Variants in NEGR1 observed in about 807,000 individuals in gnomAD.
NEGR1 encodes neuronal growth regulator 1.
In NEGR1, 10 loss-of-function variants were observed where a neutral mutation model predicts 40.9. That is an observed-to-expected ratio of 0.24 (90% CI 0.15 to 0.42). The LOEUF (loss-of-function observed/expected upper bound fraction) is 0.42. Among genes scored for constraint, NEGR1 ranks in the 10% least tolerant of loss-of-function variants. The pLI is 1.00. For synonymous variants in NEGR1, 185 were observed against 166.8 expected (o/e 1.11, Z -0.84); for missense variants, 352 against 438.9 (o/e 0.80, Z 1.77).
At position 71,463,144 on chromosome 1, in the gene NEGR1, C is replaced by T. The variant is rs146832958; in HGVS notation, c.941-55574G>A. On this transcript the variant is annotated intron_variant, in intron 6 of 6. Transcript: ENST00000357731. ...TGTAAATTACAGCACAGGTTGGATG[C>T]GAGAGAGCAGTAAACATAATACTTA... 7.2e-4 allele frequency among the ~76,000 whole-genome samples: 109 copies of T among 151,980 alleles called. No homozygotes were observed. The East Asian group carries it at 0.018, about 26-fold the overall frequency.
intron 2 of NEGR1, among the ~76,000 whole-genome samples, chr1:71,779,093 C>T (rs1480608301): frequency 6.6e-6 from 1 of 152,126 alleles, no homozygotes; most frequent in Non-Finnish European, 1.5e-5. Flanking sequence ...GAGAAAATCC[C>T]TCTGACAAGG....
intron 6 of NEGR1, among the ~76,000 whole-genome samples, chr1:71,521,484 A>G (rs1486590263): frequency 6.6e-6 from 1 of 152,020 alleles, no homozygotes; most frequent in Non-Finnish European, 1.5e-5. Flanking sequence ...ATAATTGACT[A>G]GACTTCAAAC....
intron 2 of NEGR1, among the ~76,000 whole-genome samples, chr1:71,931,678 C>A (rs1015399031): frequency 5.3e-5 from 8 of 152,042 alleles, no homozygotes; most frequent in Admixed American, 1.3e-4. Context: ...AATGAATAAC[C>A]AGCTTTTATT....
chr1:72,110,492 C>G lies in NEGR1; in HGVS notation c.176+171827G>C, dbSNP rs569788171. Among the ~76,000 whole-genome samples, 5 of 151,640 alleles carry G rather than the reference C, an allele frequency of 3.3e-5. No individual in the cohort carries two copies. The South Asian group carries it at 1.0e-3, about 31-fold the overall frequency. ...ATTTTATGGTAGCCATGGTAATTATCTGCTCTCTAAGGGATAAAATGATTT... is the reference window on the plus strand; with the variant it reads ...ATTTTATGGTAGCCATGGTAATTATGTGCTCTCTAAGGGATAAAATGATTT... On this transcript the variant is annotated intron_variant, in intron 1 of 6. Transcript: ENST00000357731.
chr1:71,942,408 C>T (rs1195422764), intron 1 of NEGR1, among the ~76,000 whole-genome samples: 1 of 112,466 alleles, frequency 8.9e-6, no homozygotes. Flanking sequence ...GGTATTAATT[C>T]ATATAGTTTA....
chr1:72,263,496 G>A (rs531874030), intron 1 of NEGR1, among the ~76,000 whole-genome samples: 17 of 151,552 alleles, frequency 1.1e-4, no homozygotes, highest in African/African-American at 3.4e-4. Context: ...GCTCTATTTC[G>A]TCATTCTTTG....
rs115558982 is a variant in NEGR1 at position 71,513,550 on chromosome 1, T to A, written c.940+79267A>T. Among the ~76,000 whole-genome samples the A allele has an allele frequency of 8.0e-3, 1,211 of 152,310 alleles. 18 individuals carry two copies. Among genetic ancestry groups the A allele is most frequent in the African/African-American group, 0.028 (1,156 of 41,556 alleles). ...CTCCTGAAGGCAAGCCAATATTAAA[T>A]CTGATGTCTATGTTTATGAAGTACA... On this transcript the variant is annotated intron_variant, in intron 6 of 6. Transcript: ENST00000357731.
At chr1:72,267,190 T>C (rs1178957314) in intron 1 of NEGR1, among the ~76,000 whole-genome samples, 1 of 151,152 alleles carries the variant, frequency 6.6e-6, no homozygotes, top group Non-Finnish European at 1.5e-5. Context: ...CCAATCGGAA[T>C]CAGTTTCCTG....
At chr1:72,045,583 A>C (rs1646993764) in intron 1 of NEGR1, among the ~76,000 whole-genome samples, 1 of 151,780 alleles carries the variant, frequency 6.6e-6, no homozygotes, top group African/African-American at 2.4e-5. Flanking sequence ...GGTGCCATCC[A>C]TATAAGATGT....
At chr1:71,527,993 A>T (rs149365622) in intron 6 of NEGR1, among the ~76,000 whole-genome samples, 1 of 151,458 alleles carries the variant, frequency 6.6e-6, no homozygotes, top group Non-Finnish European at 1.5e-5. Flanking sequence ...AAACAGTGTT[A>T]CGTAGCTTTT....
intron 1 of NEGR1, among the ~76,000 whole-genome samples, chr1:72,078,972 A>G (rs1647869376): frequency 6.6e-6 from 1 of 151,292 alleles, no homozygotes; most frequent in African/African-American, 2.4e-5. Flanking sequence ...CTCCATTTCA[A>G]CATATAAATC....
chr1:71,546,416 C>T (rs554386397), intron 6 of NEGR1, among the ~76,000 whole-genome samples: 2 of 151,482 alleles, frequency 1.3e-5, no homozygotes, highest in African/African-American at 4.8e-5. Context: ...GGGCACACAA[C>T]AAACTATTTA....
intron 2 of NEGR1, among the ~76,000 whole-genome samples, chr1:71,885,041 G>A (rs1660688583): frequency 6.6e-6 from 1 of 152,174 alleles, no homozygotes; most frequent in South Asian, 2.1e-4. Context: ...TTAAACTATA[G>A]AAGTGTTGAG....
chr1:71,787,445 T>C (rs1018275713), intron 2 of NEGR1, among the ~76,000 whole-genome samples: 1 of 152,142 alleles, frequency 6.6e-6, no homozygotes, highest in Non-Finnish European at 1.5e-5. Flanking sequence ...ATACATATTG[T>C]GATTGATGGG....
At chr1:72,260,545 G>A (rs898632829) in intron 1 of NEGR1, among the ~76,000 whole-genome samples, 18 of 152,016 alleles carry the variant, frequency 1.2e-4, no homozygotes, top group Non-Finnish European at 2.6e-4. Flanking sequence ...TGTCCGAAAG[G>A]TGGTAGCAAG....
intron 1 of NEGR1, among the ~76,000 whole-genome samples, chr1:71,942,101 AC>A (rs1645964535): frequency 6.6e-6 from 1 of 151,678 alleles, no homozygotes; most frequent in Non-Finnish European, 1.5e-5. Flanking sequence ...GAAAAAAAAA[AC>A]AAGTAGCATT....
At chr1:71,678,089 T>C (rs886689677) in intron 4 of NEGR1, among the ~76,000 whole-genome samples, 1 of 151,902 alleles carries the variant, frequency 6.6e-6, no homozygotes, top group South Asian at 2.1e-4. Flanking sequence ...GACAGATCTG[T>C]AGGGCATGGT....
chr1:71,485,889 AC>A (rs1348034063), intron 6 of NEGR1, among the ~76,000 whole-genome samples: 6 of 151,736 alleles, frequency 4.0e-5, no homozygotes, highest in African/African-American at 1.5e-4. Context: ...GAATAAAGCT[AC>A]TATAAACATA....
Position 71,912,395 on chromosome 1 carries a change from A to C in NEGR1, c.409+22684T>G, listed in dbSNP as rs117474241. Reference sequence around the variant, plus strand: ...GTTATTACACTGGGCATAACTAGTTAATAAAGGATCATGTCTCTATTTTAA... The same window carrying C: ...GTTATTACACTGGGCATAACTAGTTCATAAAGGATCATGTCTCTATTTTAA... On this transcript the variant is annotated intron_variant, in intron 2 of 6. Coordinates refer to ENST00000357731, the MANE Select transcript of NEGR1 (RefSeq NM_173808.3). Among the ~76,000 whole-genome samples the C allele has an allele frequency of 6.2e-3, 943 of 152,306 alleles. 35 individuals are homozygous for C. The South Asian group carries it at 0.1, about 16-fold the overall frequency.
Sources: gnomAD v4.1 joint callset for allele counts (sites outside exome capture counted in the v4.1 genomes callset) on GRCh38, gnomAD v4.1.1 for gene constraint, MANE v1.5 for transcripts, NCBI Gene and HGNC (gene_info 2026-07-23, HGNC 2026-07-21) for gene names.